LDLRAD4: variants seen among roughly 807,000 people sequenced by gnomAD.
The protein encoded by LDLRAD4 is low density lipoprotein receptor class A domain containing 4, also known as low-density lipoprotein receptor class A domain-containing protein 4.
LDLRAD4 carries 5 observed loss-of-function variants against 17.0 expected under a neutral mutation model. The observed-to-expected ratio is 0.29, with a 90% confidence interval of 0.15 to 0.62. The LOEUF (loss-of-function observed/expected upper bound fraction) is 0.62, where lower values mean the gene tolerates loss of function less well. Among genes scored for constraint, LDLRAD4 ranks in the 20% least tolerant of loss-of-function variants. The probability of loss-of-function intolerance (pLI) is 0.84; values close to 1 mark genes in which losing one functional copy is unlikely to be tolerated. For synonymous variants in LDLRAD4, 168 were observed against 171.8 expected (o/e 0.98, Z 0.17); for missense variants, 340 against 424.7 (o/e 0.80, Z 1.75).
intron 4 of LDLRAD4, among the ~76,000 whole-genome samples, chr18:13,631,507 C>A (rs2041661476): frequency 6.6e-6 from 1 of 152,218 alleles, no homozygotes; most frequent in Non-Finnish European, 1.5e-5. Flanking sequence ...ATGAGGCCAG[C>A]ATTCCTGATA....
chr18:13,399,001 G>A (rs1304158537), intron 2 of LDLRAD4, among the ~76,000 whole-genome samples: 7 of 152,146 alleles, frequency 4.6e-5, no homozygotes, highest in African/African-American at 1.7e-4. Flanking sequence ...CACTTTGGGC[G>A]GCCGAGGTAG....
At chr18:13,443,692 T>TGTC (rs34431399) in intron 3 of LDLRAD4, among the ~76,000 whole-genome samples, 28,640 of 150,398 alleles carry the variant, frequency 0.19, 3,172 homozygotes, top group Admixed American at 0.32. Context: ...TCCCTCTTCC[T>TGTC]GTCGTCGTCG....
intron 1 of LDLRAD4, among the ~76,000 whole-genome samples, chr18:13,248,155 G>A (rs998848826): frequency 6.6e-6 from 1 of 151,982 alleles, no homozygotes; most frequent in Non-Finnish European, 1.5e-5. Flanking sequence ...TACATACACT[G>A]TTTCTCCATG....
intron 1 of LDLRAD4, among the ~76,000 whole-genome samples, chr18:13,322,497 G>T (rs2081310896): frequency 6.6e-6 from 1 of 151,804 alleles, no homozygotes; most frequent in African/African-American, 2.4e-5. Context: ...ATGGGATTTT[G>T]CCATATTGGC....
chr18:13,552,674 CTCTT>C (rs2094446727), intron 3 of LDLRAD4, among the ~76,000 whole-genome samples: 1 of 152,298 alleles, frequency 6.6e-6, no homozygotes, highest in Admixed American at 6.5e-5. Flanking sequence ...TGACTCTTCA[CTCTT>C]TCTTCCGTGT....
chr18:13,507,678 G>A (rs1189669700), intron 3 of LDLRAD4, among the ~76,000 whole-genome samples: 2 of 152,126 alleles, frequency 1.3e-5, no homozygotes, highest in Admixed American at 6.5e-5. Context: ...TTGTTTTGGG[G>A]CACCACAAAC....
In LDLRAD4 at chr18:13,440,198, T is replaced by A. The variant is rs1284763782; in HGVS notation, c.181+1814T>A. ...GGGGCGCTCCACAGGCCTCTTCTGG[T>A]CTGCGGGCTCCTCCTTTACTTCAGG... On this transcript the variant is annotated intron_variant, in intron 3 of 5. Coordinates refer to ENST00000359446, the Ensembl canonical transcript of LDLRAD4. This position sits in a 1 kb window ranked among gnomAD's most constrained non-coding sequence, Gnocchi z 4.4. 6.6e-6 allele frequency among the ~76,000 whole-genome samples: 1 copy of A among 152,168 alleles called. No homozygotes were observed. The highest frequency in any genetic ancestry group is 2.4e-5 in the African/African-American group (1 of 41,438).
intron 1 of LDLRAD4, among the ~76,000 whole-genome samples, chr18:13,271,327 T>C (rs2044524910): frequency 1.3e-5 from 2 of 152,342 alleles, no homozygotes; most frequent in South Asian, 4.1e-4. Flanking sequence ...TCCATTTCTT[T>C]GGCATCGTGA....
intron 2 of LDLRAD4, among the ~76,000 whole-genome samples, chr18:13,405,677 G>T (rs1301849718): frequency 6.7e-6 from 1 of 150,280 alleles, no homozygotes; most frequent in Non-Finnish European, 1.5e-5. Context: ...GCCTTAAGCA[G>T]TCCACCCGCC....
chr18:13,272,864 C>A (rs776251626), intron 1 of LDLRAD4, among the ~76,000 whole-genome samples: 17 of 152,192 alleles, frequency 1.1e-4, no homozygotes, highest in Non-Finnish European at 1.9e-4. Context: ...AGTGCAGATT[C>A]CTGGTGCTGG....
At chr18:13,435,687 A>G (rs1288104800) in intron 2 of LDLRAD4, among the ~76,000 whole-genome samples, 2 of 152,174 alleles carry the variant, frequency 1.3e-5, no homozygotes, top group African/African-American at 4.8e-5. Context: ...GACTCAAATG[A>G]TCCTCCTGCC....
chr18:13,513,034 C>G (rs2093807132), intron 3 of LDLRAD4, among the ~76,000 whole-genome samples: 1 of 152,246 alleles, frequency 6.6e-6, no homozygotes, highest in South Asian at 2.1e-4. Context: ...GCAGCAGTTC[C>G]TTTAAACGAA....
intron 1 of LDLRAD4, among the ~76,000 whole-genome samples, chr18:13,245,241 C>A (rs1049302594): frequency 1.3e-5 from 2 of 152,178 alleles, no homozygotes; most frequent in African/African-American, 4.8e-5. Flanking sequence ...TGACTTCATC[C>A]CAGCCCCTCT....
upstream of LDLRAD4, chr18:13,217,736 C>T (rs2041240028): frequency 6.6e-6 from 1 of 151,330 alleles, no homozygotes; most frequent in Non-Finnish European, 1.5e-5. The surrounding 1 kb of genome is among the most constrained non-coding windows in gnomAD (Gnocchi z 4.9). Context: ...CCTCTCTCCC[C>T]GCGCTGAGGC....
At chr18:13,251,027 G>A (rs969907629) in intron 1 of LDLRAD4, among the ~76,000 whole-genome samples, 2 of 152,188 alleles carry the variant, frequency 1.3e-5, no homozygotes, top group African/African-American at 4.8e-5. Flanking sequence ...GCTAGTACAT[G>A]ATGATTGAAT....
chr18:13,408,568 G>A (rs1042011339), intron 2 of LDLRAD4, among the ~76,000 whole-genome samples: 3 of 151,964 alleles, frequency 2.0e-5, no homozygotes, highest in Non-Finnish European at 4.4e-5. Flanking sequence ...TGCCTCCTGG[G>A]TTCAAGCAAT....
At chr18:13,469,440 C>T (rs1000315940) in intron 3 of LDLRAD4, among the ~76,000 whole-genome samples, 1 of 152,166 alleles carries the variant, frequency 6.6e-6, no homozygotes, top group African/African-American at 2.4e-5. Context: ...ACCCACTGTT[C>T]ATTACAGCAT....
intron 1 of LDLRAD4, among the ~76,000 whole-genome samples, chr18:13,330,075 C>A (rs2081767080): frequency 6.6e-6 from 1 of 152,172 alleles, no homozygotes; most frequent in Non-Finnish European, 1.5e-5. Flanking sequence ...CCTGCCTCAG[C>A]CTCCTGAGTA....
chr18:13,403,165 G>A (rs1285893530), intron 2 of LDLRAD4, among the ~76,000 whole-genome samples: 1 of 152,224 alleles, frequency 6.6e-6, no homozygotes, highest in Admixed American at 6.5e-5. Flanking sequence ...ATAGACGGAT[G>A]CATGCCAGAA....
Sources: gnomAD v4.1 joint callset for allele counts (sites outside exome capture counted in the v4.1 genomes callset) on GRCh38, gnomAD v4.1.1 for gene constraint, Gnocchi (gnomAD v3.1) non-coding constraint, MANE v1.5 for transcripts, NCBI Gene and HGNC (gene_info 2026-07-23, HGNC 2026-07-21) for gene names.